Variants in AFF2 observed in about 807,000 individuals in gnomAD.
AFF2 encodes AF4/FMR2 family member 2.
Under a neutral mutation model 76.9 loss-of-function variants are expected in AFF2, and 14 were observed. The observed-to-expected ratio is 0.18, with a 90% CI of 0.12 to 0.28. AFF2 has a LOEUF of 0.28. Among genes scored for constraint, AFF2 ranks in the 10% least tolerant of loss-of-function variants. The pLI is 1.00. For missense variants in AFF2, 868 were observed against 1,001.1 expected, an observed-to-expected ratio of 0.87 and a Z score of 1.79; for synonymous variants, 398 against 366.7, an observed-to-expected ratio of 1.09 and a Z score of -0.98.
intron 9 of AFF2, among the ~76,000 whole-genome samples, chrX:148,924,915 C>G (rs1557283605): frequency 1.8e-5 from 2 of 112,287 alleles, no homozygotes; most frequent in African/African-American, 6.5e-5. Flanking sequence ...ACAGCCCAGC[C>G]AGATCTACTC....
chrX:148,757,698 A>G (rs927485708), intron 3 of AFF2, among the ~76,000 whole-genome samples: 135 of 111,953 alleles, frequency 1.2e-3, no homozygotes, highest in African/African-American at 3.4e-3. Flanking sequence ...AACTAACCCC[A>G]ATCTTTACTC....
chrX:148,687,850 A>G (rs187610453), intron 3 of AFF2, among the ~76,000 whole-genome samples: 2 of 110,319 alleles, frequency 1.8e-5, no homozygotes, highest in Non-Finnish European at 3.8e-5. Context: ...GCTTATCCCC[A>G]TCTCTTTCCC....
At chrX:148,644,830 C>G (rs1603266335) in intron 1 of AFF2, among the ~76,000 whole-genome samples, 1 of 111,304 alleles carries the variant, frequency 9.0e-6, no homozygotes, top group Non-Finnish European at 1.9e-5. Flanking sequence ...CCATGTGATG[C>G]CTGGGACTCA....
intron 3 of AFF2, among the ~76,000 whole-genome samples, chrX:148,685,143 G>A (rs2054589094): frequency 9.0e-6 from 1 of 111,564 alleles, no homozygotes; most frequent in African/African-American, 3.3e-5. Context: ...CAAATCTGAT[G>A]TGAGCCAATT....
Position 148,931,253 on chromosome X carries a change from CAAAAA to C in AFF2, c.1398-22305_1398-22301del, listed in dbSNP as rs782537927. 8.4e-3 allele frequency among the ~76,000 whole-genome samples: 367 copies of C among 43,752 alleles called. 2 individuals carry two copies. The highest frequency in any genetic ancestry group is 0.032 in the African/African-American group (350 of 10,944). 38.0% of individuals were successfully genotyped at this position (43,752 alleles called of 115,157 possible). On this transcript the variant is annotated intron_variant, in intron 9 of 20. Coordinates refer to ENST00000370460, the MANE Select transcript of AFF2 (RefSeq NM_002025.4). The stretch of plus-strand genomic sequence containing the variant: ...TGGGTGACAGAGCGAGACTCTGTCT[CAAAAA>C]AAAAAAAAAAAAAAAAAAAAATTCA...
intron 4 of AFF2, among the ~76,000 whole-genome samples, chrX:148,827,687 G>A (rs1225532648): frequency 2.7e-5 from 3 of 111,452 alleles, no homozygotes; most frequent in Non-Finnish European, 3.8e-5. Context: ...TTTCTACTTC[G>A]AATGGTAACT....
At chrX:148,737,409 T>C (rs2055298052) in intron 3 of AFF2, among the ~76,000 whole-genome samples, 1 of 111,799 alleles carries the variant, frequency 8.9e-6, no homozygotes. Context: ...CTTGATTTGA[T>C]TCTTTGCTTG....
At chrX:148,855,039 A>G (rs1333527322) in intron 7 of AFF2, among the ~76,000 whole-genome samples, 1 of 111,845 alleles carries the variant, frequency 8.9e-6, no homozygotes, top group Non-Finnish European at 1.9e-5. Context: ...TTGGTATACT[A>G]TTTTGCACAA....
intron 3 of AFF2, among the ~76,000 whole-genome samples, chrX:148,694,175 C>CGGGGGGGGGT (rs2054686420): frequency 4.1e-5 from 3 of 72,845 alleles, no homozygotes; most frequent in Admixed American, 1.6e-4. Context: ...GTTGTGGGGT[C>CGGGGGGGGGT]GGGGGGGGGG....
In AFF2 at chrX:148,727,653, T is replaced by C. The variant is rs182595551; in HGVS notation, c.1041+64885T>C. Among the ~76,000 whole-genome samples the C allele has an allele frequency of 2.7e-5, 3 of 111,802 alleles. No homozygotes were observed. The East Asian group carries it at 8.5e-4, about 32-fold the overall frequency. On this transcript the variant is annotated intron_variant, in intron 3 of 20. Transcript: ENST00000370460. ...GTTTGGAACACGTTGAAAATCACTC[T>C]AAATAAACGAGTAGCAATGTATAGA...
At chrX:148,848,246 T>C (rs2070691296) in intron 7 of AFF2, among the ~76,000 whole-genome samples, 2 of 111,843 alleles carry the variant, frequency 1.8e-5, no homozygotes, top group Admixed American at 9.5e-5. Context: ...AATTGTTTTA[T>C]GTAATGAAAA....
At chrX:148,691,797 T>A (rs1361031259) in intron 3 of AFF2, among the ~76,000 whole-genome samples, 1 of 111,548 alleles carries the variant, frequency 9.0e-6, no homozygotes, top group African/African-American at 3.3e-5. Flanking sequence ...TGGCTAATAG[T>A]GATGGCTGAC....
At chrX:148,843,332 A>G (rs781798775) in intron 6 of AFF2, 50 bp from the exon 7 acceptor site, 3 of 1,059,338 alleles carry the variant, frequency 2.8e-6, no homozygotes, top group Admixed American at 2.3e-5. Flanking sequence ...CAGAATAATC[A>G]TTTGACAGTA....
At chrX:148,916,296 G>A (rs1557282585) in intron 9 of AFF2, among the ~76,000 whole-genome samples, 1 of 88,139 alleles carries the variant, frequency 1.1e-5, no homozygotes, top group African/African-American at 4.4e-5. Context: ...TGCAAGCTCC[G>A]CCTCCCGGGT....
Position 148,662,451 on chromosome X carries a change from T to C in AFF2, c.724T>C (p.Ser242Pro), listed in dbSNP as rs781858568. The change falls in exon 3 of 21, where the codon TCT becomes CCT. Residue 242 changes from serine (S) to proline (P), a missense_variant. Ser to Pro is a moderately conservative substitution (Grantham distance 74). This residue lies in a region of AFF2 where 196 missense variants were observed against 194.8 expected (regional missense o/e 1.01). Transcript: ENST00000370460. ...EIFQSNSPEE[S>P]EFAVQAPGSP... ...CTTTCAATCCAATTCACCGGAAGAA[T>C]CTGAATTCGCCGTGCAAGCGCCTGG... 3.3e-6 allele frequency: 4 copies of C among 1,210,320 alleles called. No homozygotes were observed. The South Asian group carries it at 7.0e-5, about 21-fold the overall frequency.
chrX:148,580,446 C>T (rs1557244205), intron 1 of AFF2, among the ~76,000 whole-genome samples: 1 of 111,389 alleles, frequency 9.0e-6, no homozygotes, highest in African/African-American at 3.3e-5. Context: ...AGCCAAGTCT[C>T]TTAGCACGGT....
chrX:148,793,091 TCTC>T (rs1194276663), intron 3 of AFF2, among the ~76,000 whole-genome samples: 1 of 111,943 alleles, frequency 8.9e-6, no homozygotes, highest in Non-Finnish European at 1.9e-5. Flanking sequence ...TATTTTCTCA[TCTC>T]CTTGTTTTGA....
At chrX:148,798,392 G>A (rs1557270704) in intron 3 of AFF2, among the ~76,000 whole-genome samples, 4 of 112,310 alleles carry the variant, frequency 3.6e-5, no homozygotes. Flanking sequence ...AGCACTCCCT[G>A]TGGACAGCCA....
At chrX:148,526,366 GTTT>G (rs34179499) in intron 1 of AFF2, among the ~76,000 whole-genome samples, 1 of 62,727 alleles carries the variant, frequency 1.6e-5, no homozygotes, top group Admixed American at 1.9e-4. Flanking sequence ...ATACAATCTT[GTTT>G]TTTTTTTTTT....
Sources: allele counts gnomAD v4.1 joint callset (sites outside exome capture counted in the v4.1 genomes callset), GRCh38; gene constraint gnomAD v4.1.1; regional missense constraint gnomAD v4.1.1; transcripts MANE v1.5; gene names NCBI Gene and HGNC (gene_info 2026-07-23, HGNC 2026-07-21).